IGFL1: variants seen among roughly 807,000 people sequenced by gnomAD.
IGFL1 encodes the protein IGF like family member 1, also known as insulin growth factor-like family member 1.
IGFL1 carries 16 observed loss-of-function variants against 16.0 expected under a neutral mutation model. That is an observed-to-expected ratio of 1.00 (90% confidence interval 0.68 to 1.52). IGFL1 has a LOEUF of 1.52. Ranked by LOEUF, IGFL1 falls within the 40% of genes most tolerant of loss-of-function variation. IGFL1 has a pLI of 0.00. For synonymous variants in IGFL1, 59 were observed against 54.0 expected (o/e 1.09, Z -0.41); for missense variants, 149 against 141.7 (o/e 1.05, Z -0.26).
In IGFL1 at chr19:46,230,383, G is replaced by T; in HGVS notation, c.189G>T (p.Leu63Phe). Residue 63 changes from leucine to phenylalanine, a missense_variant, in exon 3 of 4, where the codon TTG (leucine) becomes TTT (phenylalanine). By Grantham distance (22) the Leu-to-Phe change is conservative. Transcript: ENST00000437936. ...GCTATGATGATGCCGTCGTGCCCTTGGCCAGGACCCAGACGTGTGGAAACT... is the reference window on the plus strand; with the variant it reads ...GCTATGATGATGCCGTCGTGCCCTTTGCCAGGACCCAGACGTGTGGAAACT... ...HCCYDDAVVP[L>F]ARTQTCGNCT... 1 of 1,614,030 alleles carries T rather than the reference G, an allele frequency of 6.2e-7. No individual in the cohort carries two copies. Among genetic ancestry groups the T allele is most frequent in the South Asian group, 1.1e-5 (1 of 91,082 alleles).
intron 2 of IGFL1, 54 bp downstream of exon 2, chr19:46,230,215 C>T (rs1967227478): frequency 1.2e-6 from 2 of 1,613,522 alleles, no homozygotes; most frequent in African/African-American, 1.3e-5. Flanking sequence ...TCCAGGGGAC[C>T]CCAGGCTGGG....
chr19:46,230,695 C>T, intron 3 of IGFL1, 126 bp from the exon 4 acceptor site: 1 of 1,374,968 alleles, frequency 7.3e-7, no homozygotes, highest in Non-Finnish European at 1.0e-6. Flanking sequence ...CTCAGAATCT[C>T]ACTCTCTCTA....
intron 2 of IGFL1, 35 bp downstream of exon 2, chr19:46,230,196 G>C: frequency 6.2e-7 from 1 of 1,613,710 alleles, no homozygotes. Flanking sequence ...CTGGAGGAGG[G>C]GTACACCTTC....
rs1345043681 is a variant in IGFL1 at position 46,231,097 on chromosome 19, C to A, written c.*267C>A. ...CAGGGACTCTGAACCCTCCTGATGA[C>A]CCCTATGGCCAACATCAACCCGGCA... On this transcript the variant is annotated 3_prime_UTR_variant, in exon 4 of 4. Coordinates refer to ENST00000437936, the MANE Select transcript of IGFL1 (RefSeq NM_198541.2). 3.5e-6 allele frequency: 2 copies of A among 565,614 alleles called. No individual in the cohort carries two copies. The highest frequency in any genetic ancestry group is 3.8e-5 in the African/African-American group (2 of 53,306). The allele number at this position is 565,614 out of a possible 1,614,324, so 35.0% of individuals were successfully genotyped here.
Position 46,230,811 on chromosome 19 carries a change from C to T in IGFL1, c.324-10C>T, listed in dbSNP as rs766522816. ...TCCCGCTCAGTGTCTCTCTCTGTCA[C>T]TATCTCCAGTGTCAGCTAATGGAAC... On this transcript the variant is annotated splice_polypyrimidine_tract_variant and intron_variant, in intron 3 of 3. Coordinates refer to ENST00000437936, the MANE Select transcript of IGFL1 (RefSeq NM_198541.2). The T allele has an allele frequency of 6.8e-6, 11 of 1,612,016 alleles. No individual in the cohort carries two copies. Among genetic ancestry groups the T allele is most frequent in the Non-Finnish European group, 9.3e-6 (11 of 1,178,998 alleles).
At chr19:46,230,788 C>T in intron 3 of IGFL1, 33 bp from the exon 4 acceptor site, 6 of 1,610,388 alleles carry the variant, frequency 3.7e-6, no homozygotes, top group Non-Finnish European at 5.1e-6. Context: ...CATCTCTGTC[C>T]CGCTCAGTGT....
In IGFL1 at chr19:46,230,889, G is replaced by A; in HGVS notation, c.*59G>A. On this transcript the variant is annotated 3_prime_UTR_variant, in exon 4 of 4. Coordinates refer to ENST00000437936, the MANE Select transcript of IGFL1 (RefSeq NM_198541.2). ...TCCTTCCTGGGTGGGCCTGGAGAAA[G>A]AGGCTGGTGTTACCTGAGATCTGGG... The A allele has an allele frequency of 6.5e-7, 1 of 1,544,254 alleles. No homozygotes were observed. The highest frequency in any genetic ancestry group is 8.9e-7 in the Non-Finnish European group (1 of 1,126,646).
chr19:46,230,027 A>T, intron 1 of IGFL1, 81 bp from the exon 2 acceptor site: 2 of 1,529,184 alleles, frequency 1.3e-6, no homozygotes. Context: ...CCCTGGTTCC[A>T]CCCAGTCTTC....
At position 46,230,259 on chromosome 19, in the gene IGFL1, C is replaced by A. The variant is rs1406226014; in HGVS notation, c.80-15C>A. On this transcript the variant is annotated splice_polypyrimidine_tract_variant and intron_variant, in intron 2 of 3. Transcript: ENST00000437936. ...GCCACTACCTCCTGGATCTCACCAG[C>A]TCTGTCTCCTCCAGTGGCCCCCATG... 1 of 1,613,792 alleles carries A rather than the reference C, an allele frequency of 6.2e-7. No individual in the cohort carries two copies. The highest frequency in any genetic ancestry group is 8.5e-7 in the Non-Finnish European group (1 of 1,179,852).
chr19:46,230,846 A>G lies in IGFL1; in HGVS notation c.*16A>G, dbSNP rs543042820. On this transcript the variant is annotated 3_prime_UTR_variant, in exon 4 of 4. Transcript: ENST00000437936. ...TGTCAGCTAATGGAACATCAGGGGA[A>G]CGATGACTCCTGGATTCTCCTTCCT... 1.1e-5 allele frequency: 18 copies of G among 1,609,052 alleles called. No homozygotes were observed. In the South Asian group the frequency reaches 2.0e-4, roughly 18 times the overall value.
In IGFL1 at chr19:46,231,117, C is replaced by A. The variant is rs1967239040; in HGVS notation, c.*287C>A. ...GATGACCCCTATGGCCAACATCAACCCGGCACCACCCCAAGGCTGGCTGGG... is the reference window on the plus strand; with the variant it reads ...GATGACCCCTATGGCCAACATCAACACGGCACCACCCCAAGGCTGGCTGGG... On this transcript the variant is annotated 3_prime_UTR_variant, in exon 4 of 4. Coordinates refer to ENST00000437936, the MANE Select transcript of IGFL1 (RefSeq NM_198541.2). 1.9e-6 allele frequency: 1 copy of A among 537,160 alleles called. No homozygotes were observed. The highest frequency in any genetic ancestry group is 1.9e-5 in the African/African-American group (1 of 52,786). 33.3% of individuals were successfully genotyped at this position (537,160 alleles called of 1,614,324 possible). A position where few individuals can be genotyped will look rare whatever the true frequency, so the allele number is the denominator to read the frequency against.
At position 46,231,119 on chromosome 19, in the gene IGFL1, G is replaced by A. The variant is rs1302426039; in HGVS notation, c.*289G>A. 5.6e-6 allele frequency: 3 copies of A among 534,322 alleles called. No homozygotes were observed. The South Asian group carries it at 7.1e-5, about 13-fold the overall frequency. 33.1% of individuals were successfully genotyped at this position (534,322 alleles called of 1,614,324 possible). On this transcript the variant is annotated 3_prime_UTR_variant, in exon 4 of 4. Coordinates refer to ENST00000437936, the MANE Select transcript of IGFL1 (RefSeq NM_198541.2). ...TGACCCCTATGGCCAACATCAACCC[G>A]GCACCACCCCAAGGCTGGCTGGGGA...
Position 46,230,829 on chromosome 19 carries a change from A to C in IGFL1, c.332A>C (p.Ter111SerextTer73). The C allele has an allele frequency of 6.2e-7, 1 of 1,611,546 alleles. No individual in the cohort carries two copies. Among genetic ancestry groups the C allele is most frequent in the Admixed American group, 1.7e-5 (1 of 59,758 alleles). The change falls in exon 4 of 4, where the codon TAA (stop) becomes TCA (serine). Residue 111 changes from the stop codon to serine (S), a stop_lost. Transcript: ENST00000437936. ...TCTGTCACTATCTCCAGTGTCAGCTAATGGAACATCAGGGGAACGATGACT... is the reference window on the plus strand; with the variant it reads ...TCTGTCACTATCTCCAGTGTCAGCTCATGGAACATCAGGGGAACGATGACT... ...SDDRLCRSVS[*>S]
In IGFL1 at chr19:46,230,531, C is replaced by A; in HGVS notation, c.323+14C>A. The A allele has an allele frequency of 1.9e-6, 3 of 1,612,436 alleles. No individual in the cohort carries two copies. The highest frequency in any genetic ancestry group is 2.5e-6 in the Non-Finnish European group (3 of 1,179,096). On this transcript the variant is annotated intron_variant, in intron 3 of 3. Coordinates refer to ENST00000437936, the MANE Select transcript of IGFL1 (RefSeq NM_198541.2). ...GCTTTGTCGCAGGTGAGTCCTGTCC[C>A]CTCCGTGGGATTGTGGGTGCAGGGT...
chr19:46,230,920 G>C lies in IGFL1; in HGVS notation c.*90G>C, dbSNP rs1967236678. The stretch of plus-strand genomic sequence containing the variant: ...GGTGTTACCTGAGATCTGGGATGCT[G>C]AGTGGCTGTTTGGGGGCCAGAGAAA... On this transcript the variant is annotated 3_prime_UTR_variant, in exon 4 of 4. Transcript: ENST00000437936. 8 of 1,333,850 alleles carry C rather than the reference G, an allele frequency of 6.0e-6. No individual in the cohort carries two copies. The South Asian group carries it at 8.7e-5, about 15-fold the overall frequency. The allele number at this position is 1,333,850 out of a possible 1,614,324, so 82.6% of individuals were successfully genotyped here. A position where few individuals can be genotyped will look rare whatever the true frequency, so the allele number is the denominator to read the frequency against.
At position 46,230,859 on chromosome 19, in the gene IGFL1, G is replaced by T; in HGVS notation, c.*29G>T. 1.2e-6 allele frequency: 2 copies of T among 1,604,474 alleles called. No individual in the cohort carries two copies. The highest frequency in any genetic ancestry group is 1.7e-6 in the Non-Finnish European group (2 of 1,174,554). On this transcript the variant is annotated 3_prime_UTR_variant, in exon 4 of 4. Transcript: ENST00000437936. ...AACATCAGGGGAACGATGACTCCTG[G>T]ATTCTCCTTCCTGGGTGGGCCTGGA...
Position 46,230,978 on chromosome 19 carries a change from C to A in IGFL1, c.*148C>A. The A allele has an allele frequency of 1.2e-6, 1 of 816,130 alleles. No homozygotes were observed. Among genetic ancestry groups the A allele is most frequent in the South Asian group, 1.5e-5 (1 of 67,436 alleles). 50.6% of individuals were successfully genotyped at this position (816,130 alleles called of 1,614,324 possible). A position where few individuals can be genotyped will look rare whatever the true frequency, so the allele number is the denominator to read the frequency against. On this transcript the variant is annotated 3_prime_UTR_variant, in exon 4 of 4. Transcript: ENST00000437936. Reference sequence around the variant, plus strand: ...TCAACTGCCCACTTCATTCTGTGACCTGTCTGAGGCCCACCCTGCAGCTGC... The same window carrying A: ...TCAACTGCCCACTTCATTCTGTGACATGTCTGAGGCCCACCCTGCAGCTGC...
chr19:46,230,930 T>G lies in IGFL1; in HGVS notation c.*100T>G, dbSNP rs182984833. The G allele has an allele frequency of 1.3e-5, 16 of 1,224,942 alleles. No homozygotes were observed. The East Asian group carries it at 2.7e-4, about 21-fold the overall frequency. The allele number at this position is 1,224,942 out of a possible 1,614,324, so 75.9% of individuals were successfully genotyped here. A position where few individuals can be genotyped will look rare whatever the true frequency, so the allele number is the denominator to read the frequency against. Reference sequence around the variant, plus strand: ...GAGATCTGGGATGCTGAGTGGCTGTTTGGGGGCCAGAGAAACACACACTCA... The same window carrying G: ...GAGATCTGGGATGCTGAGTGGCTGTGTGGGGGCCAGAGAAACACACACTCA... On this transcript the variant is annotated 3_prime_UTR_variant, in exon 4 of 4. Transcript: ENST00000437936.
At position 46,230,458 on chromosome 19, in the gene IGFL1, G is replaced by A; in HGVS notation, c.264G>A (p.Val88=). The stretch of plus-strand genomic sequence containing the variant: ...AGTGCTGCCCCTGGACCTTCATGGT[G>A]AAGCTGATAAACCAGAACTGCGACT... ...FEQCCPWTFM[V]KLINQNCDSA... Residue 88 remains valine, a synonymous_variant, in exon 3 of 4, where the codon GTG becomes GTA. Transcript: ENST00000437936. 6.2e-7 allele frequency: 1 copy of A among 1,614,048 alleles called. No individual in the cohort carries two copies. The highest frequency in any genetic ancestry group is 8.5e-7 in the Non-Finnish European group (1 of 1,179,908).
Sources: gnomAD v4.1 joint callset for allele counts on GRCh38, gnomAD v4.1.1 for gene constraint, MANE v1.5 for transcripts, NCBI Gene and HGNC (gene_info 2026-07-23, HGNC 2026-07-21) for gene names.